ARHGAP21: variants seen among roughly 807,000 people sequenced by gnomAD.
ARHGAP21 encodes the protein rho GTPase-activating protein 21.
Under a neutral mutation model 164.6 loss-of-function variants are expected in ARHGAP21, and 38 were observed. The ratio of observed to expected loss-of-function variants is 0.23; its 90% CI spans 0.18 to 0.30. ARHGAP21 has a LOEUF of 0.30. Ranked by LOEUF, ARHGAP21 falls within the 10% of genes least tolerant of loss-of-function variation. The probability of loss-of-function intolerance (pLI) is 1.00; values close to 1 mark genes in which losing one functional copy is unlikely to be tolerated. For synonymous variants in ARHGAP21, 766 were observed against 857.9 expected (o/e 0.89, Z 1.87); for missense variants, 1,822 against 2,370.7 (o/e 0.77, Z 4.81).
intron 2 of ARHGAP21, among the ~76,000 whole-genome samples, chr10:24,716,337 C>T (rs1845371889): frequency 1.3e-5 from 2 of 152,144 alleles, no homozygotes; most frequent in South Asian, 4.1e-4. Context: ...GAGGGGCATT[C>T]AACAAAGGGA....
chr10:24,685,298 A>G (rs959045903), intron 2 of ARHGAP21, among the ~76,000 whole-genome samples: 9 of 152,234 alleles, frequency 5.9e-5, no homozygotes, highest in Non-Finnish European at 1.0e-4. Context: ...AATCATATTT[A>G]GTATAGGTCC....
At chr10:24,637,313 TTGG>T (rs1565072175) in intron 4 of ARHGAP21, among the ~76,000 whole-genome samples, 3 of 152,234 alleles carry the variant, frequency 2.0e-5, no homozygotes, top group Non-Finnish European at 4.4e-5. Flanking sequence ...TCCTATCAAG[TTGG>T]TGATCAGGTT....
intron 4 of ARHGAP21, among the ~76,000 whole-genome samples, chr10:24,660,627 G>A (rs1478281666): frequency 6.6e-6 from 1 of 152,064 alleles, no homozygotes; most frequent in African/African-American, 2.4e-5. Flanking sequence ...TCCAACACTG[G>A]TGGAAACTCA....
intron 7 of ARHGAP21, among the ~76,000 whole-genome samples, chr10:24,624,337 C>T (rs931743292): frequency 2.3e-4 from 24 of 102,866 alleles, no homozygotes; most frequent in African/African-American, 3.6e-4. Flanking sequence ...TGTTCTAGAA[C>T]TTTTTTTTTT....
chr10:24,706,713 C>T (rs1565195479), intron 2 of ARHGAP21: 1 of 152,492 alleles, frequency 6.6e-6, no homozygotes, highest in Admixed American at 6.5e-5. Flanking sequence ...CCTCCCTTTC[C>T]TGTCTAAGCA....
intron 1 of ARHGAP21, chr10:24,722,797 G>A (rs540704488): frequency 1.1e-3 from 161 of 152,044 alleles, no homozygotes; most frequent in African/African-American, 3.0e-3. Context: ...GCGTCCCCGA[G>A]GAGGCGGCTG....
At chr10:24,591,415 TTACTAAG>T (rs2130769515) in intron 23 of ARHGAP21, 85 bp from the exon 24 acceptor site, 4 of 1,277,930 alleles carry the variant, frequency 3.1e-6, no homozygotes, top group Non-Finnish European at 4.5e-6. Flanking sequence ...AAAAGACACA[TTACTAAG>T]TAAAGCACCT....
At chr10:24,687,362 A>C (rs1410557209) in intron 2 of ARHGAP21, among the ~76,000 whole-genome samples, 1 of 152,250 alleles carries the variant, frequency 6.6e-6, no homozygotes, top group Non-Finnish European at 1.5e-5. Flanking sequence ...AAAATGAATG[A>C]AATTTATACG....
rs74584467 is a variant in ARHGAP21 at position 24,689,966 on chromosome 10, A to G, written c.64-19569T>C. On this transcript the variant is annotated intron_variant, in intron 2 of 25. Coordinates refer to ENST00000396432, the MANE Select transcript of ARHGAP21 (RefSeq NM_020824.4). ...TGTATATGTGTGTGTGTGTGTGTGT[A>G]TATACACATACACACAAAAAATACA... 3.3e-5 allele frequency among the ~76,000 whole-genome samples: 5 copies of G among 150,144 alleles called. No individual in the cohort carries two copies. The East Asian group carries it at 5.9e-4, about 18-fold the overall frequency.
chr10:24,683,638 C>G (rs550236443), intron 2 of ARHGAP21, among the ~76,000 whole-genome samples: 1 of 152,006 alleles, frequency 6.6e-6, no homozygotes, highest in Non-Finnish European at 1.5e-5. Context: ...TAGTATAATG[C>G]CAGAAGATGG....
intron 4 of ARHGAP21, among the ~76,000 whole-genome samples, chr10:24,645,105 T>C (rs1172247356): frequency 6.6e-6 from 1 of 152,306 alleles, no homozygotes; most frequent in East Asian, 1.9e-4. Flanking sequence ...CATCTTTAAC[T>C]GGAAACACAC....
chr10:24,660,997 G>A (rs1839633953), intron 4 of ARHGAP21, among the ~76,000 whole-genome samples: 1 of 151,790 alleles, frequency 6.6e-6, no homozygotes, highest in Admixed American at 6.6e-5. Context: ...CTTCTCTCAA[G>A]GCCATCTGAC....
intron 4 of ARHGAP21, among the ~76,000 whole-genome samples, chr10:24,646,509 A>G (rs1365420490): frequency 6.6e-6 from 1 of 152,186 alleles, no homozygotes; most frequent in Non-Finnish European, 1.5e-5. Flanking sequence ...ACAGTGGTGC[A>G]AGCCTGTGGT....
At chr10:24,660,907 C>T (rs1839619526) in intron 4 of ARHGAP21, among the ~76,000 whole-genome samples, 1 of 151,964 alleles carries the variant, frequency 6.6e-6, no homozygotes. Context: ...AGCTAAATAT[C>T]GGATGTTCTG....
chr10:24,655,347 G>C (rs1244610707), intron 4 of ARHGAP21, among the ~76,000 whole-genome samples: 1 of 152,140 alleles, frequency 6.6e-6, no homozygotes, highest in African/African-American at 2.4e-5. Flanking sequence ...TACAGAATGG[G>C]AGGAAATTTT....
At chr10:24,717,790 C>T (rs556272668) in intron 2 of ARHGAP21, among the ~76,000 whole-genome samples, 28 of 152,228 alleles carry the variant, frequency 1.8e-4, no homozygotes, top group Middle Eastern at 3.4e-3. Flanking sequence ...AGTACAGTGG[C>T]GCGATTTTGG....
At chr10:24,701,132 C>T (rs923295946) in intron 2 of ARHGAP21, among the ~76,000 whole-genome samples, 2 of 151,596 alleles carry the variant, frequency 1.3e-5, no homozygotes, top group Admixed American at 1.3e-4. Context: ...ACAGGAGGAG[C>T]GGAGGAGGAA....
intron 24 of ARHGAP21, chr10:24,590,157 T>C: frequency 7.2e-7 from 1 of 1,384,348 alleles, no homozygotes; most frequent in Non-Finnish European, 9.3e-7. Context: ...CACGCCCCTT[T>C]TAACACATGG....
Position 24,584,221 on chromosome 10 carries a change from AAT to A in ARHGAP21, c.*189_*190del, listed in dbSNP as rs35918968. 164,489 of 228,878 alleles carry A rather than the reference AAT, an allele frequency of 0.72. 55,749 individuals are homozygous for A. Among genetic ancestry groups the A allele is most frequent in the African/African-American group, 0.87 (36,909 of 42,364 alleles). 14.2% of individuals were successfully genotyped at this position (228,878 alleles called of 1,614,324 possible). A position where few individuals can be genotyped will look rare whatever the true frequency, so the allele number is the denominator to read the frequency against. ...TATACAACTATCCGATATATTTTTA[AAT>A]ATATATATATATATATATGTTCTTC... is the stretch of plus-strand genomic sequence containing the variant. On this transcript the variant is annotated 3_prime_UTR_variant, in exon 26 of 26. Coordinates refer to ENST00000396432, the MANE Select transcript of ARHGAP21 (RefSeq NM_020824.4).
Sources: gnomAD v4.1 joint callset for allele counts (sites outside exome capture counted in the v4.1 genomes callset) on GRCh38, gnomAD v4.1.1 for gene constraint, MANE v1.5 for transcripts, NCBI Gene and HGNC (gene_info 2026-07-23, HGNC 2026-07-21) for gene names.